The following NPAS3 variants were observed in gnomAD, a reference collection of about 807,000 sequenced individuals.
NPAS3 encodes neuronal PAS domain-containing protein 3.
NPAS3 carries 14 observed loss-of-function variants against 73.1 expected under a neutral mutation model. The ratio of observed to expected loss-of-function variants is 0.19; its 90% CI spans 0.13 to 0.30. NPAS3 has a LOEUF of 0.30. NPAS3 is among the 10% of genes least tolerant of loss of function. The pLI is 1.00. For missense variants in NPAS3, 1,096 were observed against 1,250.0 expected, an observed-to-expected ratio of 0.88 and a Z score of 1.86; for synonymous variants, 620 against 541.5, an observed-to-expected ratio of 1.14 and a Z score of -2.01.
At chr14:33,711,782 T>C (rs1486465694) in intron 6 of NPAS3, among the ~76,000 whole-genome samples, 1 of 151,890 alleles carries the variant, frequency 6.6e-6, no homozygotes, top group Non-Finnish European at 1.5e-5. Context: ...CCTACCAGGG[T>C]CACTCGCACA....
At chr14:33,326,256 G>T (rs756079976) in intron 3 of NPAS3, among the ~76,000 whole-genome samples, 1 of 152,170 alleles carries the variant, frequency 6.6e-6, no homozygotes, top group African/African-American at 2.4e-5. Flanking sequence ...AGGGAAAAAA[G>T]CAGAGAGACA....
At position 33,195,491 on chromosome 14, in the gene NPAS3, A is replaced by T. The variant is rs147554711; in HGVS notation, c.141-19691A>T. Among the ~76,000 whole-genome samples the T allele has an allele frequency of 3.0e-4, 45 of 151,634 alleles. 2 individuals carry two copies. The highest frequency in any genetic ancestry group is 3.4e-3 in the Middle Eastern group (1 of 294). On this transcript the variant is annotated intron_variant, in intron 2 of 11. Transcript: ENST00000356141. ...CACATGTTGGCCAGGTTGGTCTTGA[A>T]CTCCTGACCTTGTGATCCACCCGCT...
chr14:33,323,517 G>A (rs573563794), intron 3 of NPAS3, among the ~76,000 whole-genome samples: 1 of 152,288 alleles, frequency 6.6e-6, no homozygotes, highest in Middle Eastern at 3.4e-3. Flanking sequence ...GTGAATACGT[G>A]GAAGATGGTA....
chr14:33,494,725 TC>T (rs1481298290), intron 4 of NPAS3, among the ~76,000 whole-genome samples: 1 of 152,118 alleles, frequency 6.6e-6, no homozygotes, highest in Non-Finnish European at 1.5e-5. Flanking sequence ...TAATTTGTTT[TC>T]TTTTTACAGT....
chr14:33,450,703 G>T, intron 4 of NPAS3, among the ~76,000 whole-genome samples: 1 of 152,106 alleles, frequency 6.6e-6, no homozygotes, highest in Admixed American at 6.5e-5. Context: ...TTCTAAATCT[G>T]AATCTGTGTG....
chr14:33,493,468 G>A (rs997466378), intron 4 of NPAS3, among the ~76,000 whole-genome samples: 1 of 152,040 alleles, frequency 6.6e-6, no homozygotes, highest in Non-Finnish European at 1.5e-5. Flanking sequence ...TTCAACGACA[G>A]GCAGAATGAA....
intron 7 of NPAS3, among the ~76,000 whole-genome samples, chr14:33,746,466 C>T (rs975891207): frequency 2.7e-5 from 4 of 149,964 alleles, no homozygotes; most frequent in South Asian, 2.1e-4. Flanking sequence ...GGATTACAGA[C>T]GTGAGCCACC....
chr14:33,717,658 C>A lies in NPAS3; in HGVS notation c.734-17556C>A, dbSNP rs1166705665. Among the ~76,000 whole-genome samples the A allele has an allele frequency of 2.0e-5, 3 of 151,950 alleles. No individual in the cohort carries two copies. The South Asian group carries it at 6.2e-4, about 32-fold the overall frequency. On this transcript the variant is annotated intron_variant, in intron 6 of 11. Transcript: ENST00000356141. ...ACCGTGAAATATGTTGCAGGAGAGACCCTGACAGAAAGCTAAAGATTTCTA... is the reference window on the plus strand; with the variant it reads ...ACCGTGAAATATGTTGCAGGAGAGAACCTGACAGAAAGCTAAAGATTTCTA...
chr14:33,313,791 A>T (rs142431711), intron 3 of NPAS3, among the ~76,000 whole-genome samples: 263 of 152,174 alleles, frequency 1.7e-3, no homozygotes, highest in Admixed American at 0.014. Flanking sequence ...CCAGAGAATC[A>T]TGTTCACTTT....
At chr14:33,457,850 CA>C (rs2050090284) in intron 4 of NPAS3, among the ~76,000 whole-genome samples, 1 of 152,168 alleles carries the variant, frequency 6.6e-6, no homozygotes, top group Admixed American at 6.5e-5. Flanking sequence ...GGTGGGGCAG[CA>C]CCCTGGCCAA....
intron 2 of NPAS3, among the ~76,000 whole-genome samples, chr14:33,203,527 T>A (rs2046703528): frequency 6.6e-6 from 1 of 152,088 alleles, no homozygotes; most frequent in Non-Finnish European, 1.5e-5. Context: ...TGTGTCCAAG[T>A]GTTCTCATTG....
At chr14:33,529,838 G>A (rs1340089816) in intron 4 of NPAS3, among the ~76,000 whole-genome samples, 2 of 151,908 alleles carry the variant, frequency 1.3e-5, no homozygotes, top group Non-Finnish European at 2.9e-5. Flanking sequence ...TTTCACTTGG[G>A]AATAAAATAT....
chr14:33,623,691 G>A (rs1345475742), intron 5 of NPAS3, among the ~76,000 whole-genome samples: 3 of 152,134 alleles, frequency 2.0e-5, no homozygotes, highest in Non-Finnish European at 2.9e-5. Flanking sequence ...TCTGTGACCT[G>A]CCAAGGCCTC....
intron 2 of NPAS3, among the ~76,000 whole-genome samples, chr14:33,114,862 T>C (rs1432041231): frequency 6.6e-6 from 1 of 152,132 alleles, no homozygotes; most frequent in Non-Finnish European, 1.5e-5. Flanking sequence ...TTTATATGTA[T>C]TAGGGTAGAT....
At chr14:33,690,712 G>A (rs951806613) in intron 6 of NPAS3, among the ~76,000 whole-genome samples, 5 of 151,740 alleles carry the variant, frequency 3.3e-5, no homozygotes, top group African/African-American at 9.7e-5. Context: ...AGAAGGAGAC[G>A]GGCATGTATA....
At chr14:33,219,745 C>T (rs1317651114) in intron 3 of NPAS3, among the ~76,000 whole-genome samples, 5 of 152,048 alleles carry the variant, frequency 3.3e-5, no homozygotes, top group Non-Finnish European at 7.4e-5. Flanking sequence ...TTTAAATCAT[C>T]GTGTAGTGTA....
intron 3 of NPAS3, among the ~76,000 whole-genome samples, chr14:33,293,140 C>T (rs771532782): frequency 3.3e-5 from 5 of 152,096 alleles, no homozygotes; most frequent in African/African-American, 1.2e-4. Flanking sequence ...TTGCTCTTGA[C>T]GAACCCTAAT....
chr14:33,758,058 G>T (rs1181952996), intron 7 of NPAS3, among the ~76,000 whole-genome samples: 11 of 152,114 alleles, frequency 7.2e-5, no homozygotes, highest in Admixed American at 6.5e-4. Context: ...CTAAATCTCA[G>T]GTGCAGTCAT....
At chr14:33,658,672 A>G (rs967311827) in intron 5 of NPAS3, among the ~76,000 whole-genome samples, 1 of 152,164 alleles carries the variant, frequency 6.6e-6, no homozygotes, top group Non-Finnish European at 1.5e-5. Flanking sequence ...AATTTCCTCA[A>G]ATGACTTGCA....
Sources: allele counts gnomAD v4.1 joint callset (sites outside exome capture counted in the v4.1 genomes callset), GRCh38; gene constraint gnomAD v4.1.1; transcripts MANE v1.5; gene names NCBI Gene and HGNC (gene_info 2026-07-23, HGNC 2026-07-21).